The following AMMECR1 variants were observed in gnomAD, a reference collection of about 807,000 sequenced individuals.
AMMECR1 encodes nuclear protein AMMECR1.
AMMECR1 carries 3 observed loss-of-function variants against 22.5 expected under a neutral mutation model. The ratio of observed to expected loss-of-function variants is 0.13; its 90% CI spans 0.06 to 0.35. The LOEUF (loss-of-function observed/expected upper bound fraction) is 0.35. AMMECR1 is among the 10% of genes least tolerant of loss of function. The probability of loss-of-function intolerance (pLI) is 1.00; values close to 1 mark genes in which losing one functional copy is unlikely to be tolerated. For synonymous variants in AMMECR1, 130 were observed against 116.7 expected, an observed-to-expected ratio of 1.11 and a Z score of -0.74; for missense variants, 235 against 278.7, an observed-to-expected ratio of 0.84 and a Z score of 1.12.
chrX:110,364,136 G>A (rs868050249), intron 2 of AMMECR1, among the ~76,000 whole-genome samples: 2 of 110,920 alleles, frequency 1.8e-5, no homozygotes, highest in African/African-American at 3.3e-5. Flanking sequence ...TCTTCCTAGC[G>A]GTTCCAGGTG....
intron 1 of AMMECR1, among the ~76,000 whole-genome samples, chrX:110,291,080 A>G (rs2067905594): frequency 8.9e-6 from 1 of 111,991 alleles, no homozygotes; most frequent in Non-Finnish European, 1.9e-5. Flanking sequence ...AAATTCACTC[A>G]GCACGTTTAT....
upstream of AMMECR1, chrX:110,318,212 T>G (rs1298313075): frequency 1.1e-5 from 4 of 372,963 alleles, no homozygotes; most frequent in Non-Finnish European, 1.4e-5. Flanking sequence ...CGGCCCCGTC[T>G]GCCTAGCCAC....
chrX:110,224,762 A>G (rs1167830378), intron 2 of AMMECR1, among the ~76,000 whole-genome samples: 1 of 111,190 alleles, frequency 9.0e-6, no homozygotes, highest in Non-Finnish European at 1.9e-5. Context: ...GGATTTAGAT[A>G]TATTACTCTC....
At chrX:110,410,958 T>G (rs1194106972) in intron 2 of AMMECR1, among the ~76,000 whole-genome samples, 1 of 112,121 alleles carries the variant, frequency 8.9e-6, no homozygotes, top group African/African-American at 3.2e-5. Context: ...CACTTCCTAT[T>G]TTGGTTCCTA....
intron 2 of AMMECR1, among the ~76,000 whole-genome samples, chrX:110,227,945 T>C (rs1012984093): frequency 1.3e-4 from 15 of 112,101 alleles, no homozygotes; most frequent in African/African-American, 4.9e-4. Flanking sequence ...GGAAGAAAAG[T>C]AGAATACCTC....
chrX:110,357,972 T>C (rs757555169), intron 2 of AMMECR1, among the ~76,000 whole-genome samples: 6 of 111,723 alleles, frequency 5.4e-5, no homozygotes. Context: ...TGTCTCCCCA[T>C]TGGACATTTG....
chrX:110,397,584 G>T (rs2068536101), intron 2 of AMMECR1, among the ~76,000 whole-genome samples: 1 of 110,968 alleles, frequency 9.0e-6, no homozygotes, highest in African/African-American at 3.3e-5. Flanking sequence ...AGCAGTGCCA[G>T]AGCCACAAAG....
rs930193135 is a variant in AMMECR1 at position 110,417,635 on chromosome X, G to C, written c.-148+9023C>G. Among the ~76,000 whole-genome samples the C allele has an allele frequency of 3.6e-5, 4 of 111,956 alleles. No individual in the cohort carries two copies. The Admixed American group carries it at 3.8e-4, about 11-fold the overall frequency. ...GGAAACAGAGCCTCAGAGTGGAAGA[G>C]ACTGGCCCAAGGTCACATTTTTAAG... On this transcript the variant is annotated intron_variant, in intron 2 of 7. Coordinates refer to the AMMECR1 transcript ENST00000372057.
intron 5 of AMMECR1, among the ~76,000 whole-genome samples, chrX:110,200,723 G>A (rs777368620): frequency 2.2e-4 from 25 of 112,128 alleles, no homozygotes; most frequent in African/African-American, 7.4e-4. Flanking sequence ...TCGTACAAAA[G>A]CCAGAGTAAT....
At chrX:110,233,782 C>T (rs778079050) in intron 2 of AMMECR1, among the ~76,000 whole-genome samples, 1 of 112,260 alleles carries the variant, frequency 8.9e-6, no homozygotes, top group South Asian at 3.7e-4. Flanking sequence ...CTCAACAACC[C>T]TTCATGCTAA....
chrX:110,354,329 C>T (rs1047147981), intron 2 of AMMECR1, among the ~76,000 whole-genome samples: 1 of 111,617 alleles, frequency 9.0e-6, no homozygotes, highest in African/African-American at 3.3e-5. Context: ...AAAAATATTC[C>T]CAAAAAAGTG....
rs1209620700 is a variant in AMMECR1 at position 110,196,395 on chromosome X, TTTTG to T, written c.*2121_*2124del. The T allele has an allele frequency of 3.7e-5, 4 of 107,087 alleles. No individual in the cohort carries two copies. Among genetic ancestry groups the T allele is most frequent in the African/African-American group, 1.1e-4 (3 of 27,398 alleles). The allele number at this position is 107,087 out of a possible 1,213,427, so 8.8% of individuals were successfully genotyped here. A position where few individuals can be genotyped will look rare whatever the true frequency, so the allele number is the denominator to read the frequency against. ...TTTTTTTCCTTTTTTTTGTTTTTTGTTTTGTTTTTTTTTTGTTTGTTTTTTTTTG... is the reference window on the plus strand; with the variant it reads ...TTTTTTTCCTTTTTTTTGTTTTTTGTTTTTTTTTTTGTTTGTTTTTTTTTG... On this transcript the variant is annotated 3_prime_UTR_variant, in exon 6 of 6. Coordinates refer to ENST00000262844, the MANE Select transcript of AMMECR1 (RefSeq NM_015365.3).
chrX:110,375,676 G>A lies in AMMECR1; in HGVS notation c.-148+50982C>T, dbSNP rs78070568. ...ATGAACTTAAAACACTGAGCAATCC[G>A]ATGGTAAAATACTACAGCTACTACT... is the stretch of plus-strand genomic sequence containing the variant. On this transcript the variant is annotated intron_variant, in intron 2 of 7. Coordinates refer to the AMMECR1 transcript ENST00000372057. Among the ~76,000 whole-genome samples the A allele has an allele frequency of 1.8e-3, 201 of 112,070 alleles. 1 individual carries two copies. In the East Asian group the frequency reaches 0.045, roughly 25 times the overall value.
At chrX:110,384,809 G>C (rs2068443985) in intron 2 of AMMECR1, among the ~76,000 whole-genome samples, 1 of 110,790 alleles carries the variant, frequency 9.0e-6, no homozygotes, top group African/African-American at 3.3e-5. Context: ...TAGGTGCGAG[G>C]TGCATACCCT....
chrX:110,197,538 T>C lies in AMMECR1; in HGVS notation c.*982A>G, dbSNP rs895737553. ...AAAAAAATACTTAAGAGTAAGGAAT[T>C]TGTCTAATCTTCTGTTTCACATATA... On this transcript the variant is annotated 3_prime_UTR_variant, in exon 6 of 6. Coordinates refer to ENST00000262844, the MANE Select transcript of AMMECR1 (RefSeq NM_015365.3). 4.5e-5 allele frequency: 5 copies of C among 111,966 alleles called. No homozygotes were observed. Among genetic ancestry groups the C allele is most frequent in the Admixed American group, 9.4e-5 (1 of 10,592 alleles). 9.2% of individuals were successfully genotyped at this position (111,966 alleles called of 1,213,427 possible).
chrX:110,316,246 ATTAAT>A (rs1216124610), intron 1 of AMMECR1, among the ~76,000 whole-genome samples: 3 of 112,309 alleles, frequency 2.7e-5, no homozygotes, highest in African/African-American at 9.7e-5. Context: ...CACTTTACAT[ATTAAT>A]TTAATATTTT....
intron 2 of AMMECR1, among the ~76,000 whole-genome samples, chrX:110,401,061 G>A (rs2068561224): frequency 1.8e-5 from 2 of 112,220 alleles, no homozygotes; most frequent in Non-Finnish European, 3.8e-5. Flanking sequence ...GTCTCAAGTC[G>A]ATGTTTTTAT....
intron 2 of AMMECR1, among the ~76,000 whole-genome samples, chrX:110,413,722 TTAC>T (rs2068658219): frequency 9.1e-6 from 1 of 110,360 alleles, no homozygotes; most frequent in Admixed American, 9.7e-5. Context: ...GCTCTTCTTT[TTAC>T]CTCAGGAGGC....
chrX:110,429,474 G>GT (rs768648303), intron 1 of AMMECR1, among the ~76,000 whole-genome samples: 11,693 of 67,628 alleles, frequency 0.17, 738 homozygotes, highest in Non-Finnish European at 0.22. Flanking sequence ...TTTTTTTTTT[G>GT]TTTTGTTTTT....
Sources: allele counts gnomAD v4.1 joint callset (sites outside exome capture counted in the v4.1 genomes callset), GRCh38; gene constraint gnomAD v4.1.1; transcripts MANE v1.5; gene names NCBI Gene and HGNC (gene_info 2026-07-23, HGNC 2026-07-21).